The following TRIO variants were observed in gnomAD, a reference collection of about 807,000 sequenced individuals.
TRIO encodes the protein triple functional domain protein.
A neutral mutation model predicts 351.9 loss-of-function variants in TRIO; 58 were observed. The observed-to-expected ratio is 0.16, with a 90% CI of 0.13 to 0.21. The LOEUF (loss-of-function observed/expected upper bound fraction) is 0.21, where lower values mean the gene tolerates loss of function less well. Ranked by LOEUF, TRIO falls within the 10% of genes least tolerant of loss-of-function variation. The pLI is 1.00. For synonymous variants in TRIO, 1,758 were observed against 1,595.7 expected, an observed-to-expected ratio of 1.10 and a Z score of -2.42; for missense variants, 3,201 against 4,027.8, an observed-to-expected ratio of 0.79 and a Z score of 5.56.
At chr5:14,504,959 A>G (rs1043849183) in intron 55 of TRIO, among the ~76,000 whole-genome samples, 4 of 151,924 alleles carry the variant, frequency 2.6e-5, no homozygotes, top group Non-Finnish European at 5.9e-5. Flanking sequence ...TGATACCCCA[A>G]GCCTGTGCAG....
At chr5:14,377,898 C>A in intron 19 of TRIO, 114 bp from the exon 20 acceptor site, 1 of 729,422 alleles carries the variant, frequency 1.4e-6, no homozygotes, top group Non-Finnish European at 2.3e-6. Context: ...CTTTATTTAT[C>A]GTGCTGTCTT....
At chr5:14,401,114 C>A in intron 31 of TRIO, 50 bp downstream of exon 31, 1 of 1,458,310 alleles carries the variant, frequency 6.9e-7, no homozygotes, top group Non-Finnish European at 9.5e-7. Flanking sequence ...TTTACTGTGG[C>A]CATCCATGCT....
At chr5:14,434,285 T>G (rs1751411768) in intron 34 of TRIO, among the ~76,000 whole-genome samples, 1 of 152,236 alleles carries the variant, frequency 6.6e-6, no homozygotes. Flanking sequence ...CAAAAGTATG[T>G]GGAAAAATAC....
chr5:14,210,784 CTACG>C (rs2152192378), intron 1 of TRIO, among the ~76,000 whole-genome samples: 1 of 152,256 alleles, frequency 6.6e-6, no homozygotes, highest in Admixed American at 6.5e-5. Flanking sequence ...TCCAGTAGTT[CTACG>C]TACAGTTAAA....
At chr5:14,210,550 G>T (rs942429449) in intron 1 of TRIO, among the ~76,000 whole-genome samples, 8 of 152,126 alleles carry the variant, frequency 5.3e-5, no homozygotes, top group Admixed American at 3.9e-4. Flanking sequence ...AGGTTATTTT[G>T]CAGCATTTGT....
At chr5:14,349,735 T>C (rs1408934332) in intron 11 of TRIO, among the ~76,000 whole-genome samples, 2 of 152,222 alleles carry the variant, frequency 1.3e-5, no homozygotes, top group Non-Finnish European at 2.9e-5. Flanking sequence ...TTTTTAACTT[T>C]TATTTTAGAT....
At chr5:14,292,862 C>G (rs1481676323) in intron 5 of TRIO, 150 bp from the exon 6 acceptor site, 3 of 1,099,632 alleles carry the variant, frequency 2.7e-6, no homozygotes, top group Non-Finnish European at 3.9e-6. Context: ...ACTTGTTCTT[C>G]GAAGTAAAGA....
At chr5:14,169,178 T>C (rs1581264068) in intron 1 of TRIO, among the ~76,000 whole-genome samples, 1 of 150,450 alleles carries the variant, frequency 6.6e-6, no homozygotes, top group Admixed American at 6.7e-5. Flanking sequence ...TATTCTTTTT[T>C]AATGGGCAAT....
chr5:14,257,461 T>G (rs1241382921), intron 1 of TRIO, among the ~76,000 whole-genome samples: 1 of 151,020 alleles, frequency 6.6e-6, no homozygotes, highest in African/African-American at 2.4e-5. Context: ...GCTCACGTGG[T>G]TTTTTTGGCT....
At chr5:14,492,885 G>A in intron 49 of TRIO, 71 bp downstream of exon 49, 3 of 1,577,378 alleles carry the variant, frequency 1.9e-6, no homozygotes, top group Admixed American at 1.7e-5. Context: ...TGAGGCACAC[G>A]ACCTCAGACG....
At chr5:14,475,322 C>T (rs779054775) in intron 40 of TRIO, among the ~76,000 whole-genome samples, 1 of 146,238 alleles carries the variant, frequency 6.8e-6, no homozygotes, top group Non-Finnish European at 1.5e-5. Flanking sequence ...ATGTCATCAC[C>T]TCCAAAGCTC....
intron 34 of TRIO, among the ~76,000 whole-genome samples, chr5:14,454,694 C>T (rs1157576265): frequency 6.6e-6 from 1 of 152,182 alleles, no homozygotes; most frequent in Non-Finnish European, 1.5e-5. Context: ...AGACATGGTG[C>T]CCTGGAGTCT....
intron 6 of TRIO, 22 bp from the exon 7 acceptor site, chr5:14,297,050 T>C (rs757234535): frequency 2.5e-6 from 4 of 1,600,044 alleles, no homozygotes; most frequent in Admixed American, 3.4e-5. Context: ...TAAGGAGCCC[T>C]CTTTTCCTGC....
intron 37 of TRIO, chr5:14,466,423 C>T (rs926220671): frequency 1.3e-5 from 2 of 152,180 alleles, no homozygotes; most frequent in South Asian, 4.1e-4. Flanking sequence ...CTCTTTGTTG[C>T]CAGTTGGCCA....
chr5:14,454,816 G>A (rs1482312143), intron 34 of TRIO, among the ~76,000 whole-genome samples: 2 of 152,194 alleles, frequency 1.3e-5, no homozygotes, highest in African/African-American at 4.8e-5. Context: ...GTGGATCTTC[G>A]TGGTGTTACA....
intron 1 of TRIO, among the ~76,000 whole-genome samples, chr5:14,161,342 CTCT>C (rs1213534465): frequency 6.6e-6 from 1 of 152,182 alleles, no homozygotes; most frequent in Admixed American, 6.5e-5. Context: ...TTGCTGTTCC[CTCT>C]TCTTCCTGGT....
In TRIO at chr5:14,457,373, T is replaced by TCCCCCCCCCCCCCCCCCCC. The variant is rs61513660; in HGVS notation, c.5204-3632_5204-3631insCCCCCCCCCCCCCCCCCCC. Among the ~76,000 whole-genome samples the TCCCCCCCCCCCCCCCCCCC allele has an allele frequency of 2.0e-4, 10 of 48,964 alleles. 3 individuals carry two copies. The highest frequency in any genetic ancestry group is 2.7e-4 in the Non-Finnish European group (7 of 25,482). 32.1% of individuals were successfully genotyped at this position (48,964 alleles called of 152,430 possible). On this transcript the variant is annotated intron_variant, in intron 34 of 56. Coordinates refer to ENST00000344204, the MANE Select transcript of TRIO (RefSeq NM_007118.4). ...GCTCCCACCTTGGGCAGCCCTGACC[T>TCCCCCCCCCCCCCCCCCCC]CCCCCCCCCCCCCCGCCCCGCCCCC... is the stretch of plus-strand genomic sequence containing the variant.
chr5:14,498,002 G>C, intron 51 of TRIO, 87 bp from the exon 52 acceptor site: 6 of 1,610,690 alleles, frequency 3.7e-6, no homozygotes, highest in Non-Finnish European at 5.1e-6. Flanking sequence ...TAGCAGGTTA[G>C]GTCCTATCAA....
intron 27 of TRIO, among the ~76,000 whole-genome samples, chr5:14,391,748 A>G (rs1561432559): frequency 6.6e-6 from 1 of 152,220 alleles, no homozygotes; most frequent in East Asian, 1.9e-4. Context: ...CTGTCTTTAC[A>G]CTTGTGCATG....
Sources: gnomAD v4.1 joint callset for allele counts (sites outside exome capture counted in the v4.1 genomes callset) on GRCh38, gnomAD v4.1.1 for gene constraint, MANE v1.5 for transcripts, NCBI Gene and HGNC (gene_info 2026-07-23, HGNC 2026-07-21) for gene names.